The following PID1 variants were observed in gnomAD, a reference collection of about 807,000 sequenced individuals.
The protein encoded by PID1 is PTB-containing, cubilin and LRP1-interacting protein.
In PID1, 10 loss-of-function variants were observed where a neutral mutation model predicts 19.1. That is an observed-to-expected ratio of 0.52 (90% CI 0.32 to 0.89). The LOEUF (loss-of-function observed/expected upper bound fraction) is 0.89, where lower values mean the gene tolerates loss of function less well. Ranked by LOEUF, PID1 falls within the 40% of genes least tolerant of loss-of-function variation. The probability of loss-of-function intolerance (pLI) is 0.03; values close to 1 mark genes in which losing one functional copy is unlikely to be tolerated. For missense variants in PID1, 248 were observed against 285.3 expected, an observed-to-expected ratio of 0.87 and a Z score of 0.94; for synonymous variants, 130 against 116.0, an observed-to-expected ratio of 1.12 and a Z score of -0.78.
At chr2:229,078,087 T>C (rs1694597313) in intron 2 of PID1, among the ~76,000 whole-genome samples, 1 of 152,180 alleles carries the variant, frequency 6.6e-6, no homozygotes, top group Non-Finnish European at 1.5e-5. Context: ...TGAGCAGTGG[T>C]TTGTAGTTCT....
At chr2:229,163,656 T>TGC (rs1690536167) in intron 1 of PID1, among the ~76,000 whole-genome samples, 1 of 28,660 alleles carries the variant, frequency 3.5e-5, no homozygotes, top group Non-Finnish European at 6.3e-4. Flanking sequence ...AGAGAGTGTG[T>TGC]GTGTGTGTGT....
chr2:229,162,234 C>T (rs146334498), intron 1 of PID1, among the ~76,000 whole-genome samples: 1 of 152,182 alleles, frequency 6.6e-6, no homozygotes, highest in Non-Finnish European at 1.5e-5. Context: ...GGGGTAATCG[C>T]CATGCCCTGT....
chr2:229,047,907 A>C (rs1693915760), intron 2 of PID1, among the ~76,000 whole-genome samples: 1 of 152,196 alleles, frequency 6.6e-6, no homozygotes, highest in Non-Finnish European at 1.5e-5. Flanking sequence ...ATCTTGGTGT[A>C]AGATCTCAGC....
At chr2:229,163,777 TTAAG>T (rs1225296996) in intron 1 of PID1, among the ~76,000 whole-genome samples, 1 of 151,942 alleles carries the variant, frequency 6.6e-6, no homozygotes, top group Non-Finnish European at 1.5e-5. Flanking sequence ...ATGTTCCTAG[TTAAG>T]TAGTTTCTGT....
intron 1 of PID1, among the ~76,000 whole-genome samples, chr2:229,230,493 G>A (rs1692181667): frequency 1.3e-5 from 2 of 152,136 alleles, no homozygotes; most frequent in Non-Finnish European, 2.9e-5. Flanking sequence ...TTTTACAACT[G>A]GAAGTTCTTC....
chr2:229,121,187 T>C (rs777155892), intron 2 of PID1, among the ~76,000 whole-genome samples: 49 of 152,136 alleles, frequency 3.2e-4, no homozygotes, highest in Non-Finnish European at 7.1e-4. Flanking sequence ...GAGAAACACA[T>C]AGAATATAGA....
At chr2:229,235,476 A>G (rs1692305210) in intron 1 of PID1, among the ~76,000 whole-genome samples, 1 of 141,840 alleles carries the variant, frequency 7.1e-6, no homozygotes, top group Non-Finnish European at 1.5e-5. Flanking sequence ...TAGATGGGTG[A>G]TTTGCAATAT....
chr2:229,227,351 G>A (rs186070384), intron 1 of PID1, among the ~76,000 whole-genome samples: 11 of 152,296 alleles, frequency 7.2e-5, no homozygotes, highest in Non-Finnish European at 1.0e-4. Context: ...TGAACAGTGC[G>A]GATTATTGAA....
At chr2:229,182,386 A>C (rs1690964381) in intron 1 of PID1, among the ~76,000 whole-genome samples, 1 of 151,778 alleles carries the variant, frequency 6.6e-6, no homozygotes, top group Non-Finnish European at 1.5e-5. Context: ...AACTGCTCTT[A>C]CAAAATAAAA....
At chr2:229,135,907 A>G (rs1689849668) in intron 2 of PID1, among the ~76,000 whole-genome samples, 2 of 152,242 alleles carry the variant, frequency 1.3e-5, no homozygotes, top group Non-Finnish European at 2.9e-5. Context: ...CAGTAAACAT[A>G]GTAGGCAGTT....
intron 2 of PID1, among the ~76,000 whole-genome samples, chr2:229,143,147 G>A (rs1690053271): frequency 6.8e-6 from 1 of 146,562 alleles, no homozygotes; most frequent in Non-Finnish European, 1.5e-5. Context: ...ATTGAACAAT[G>A]AGAACACATG....
At chr2:229,123,702 T>C (rs1360045302) in intron 2 of PID1, among the ~76,000 whole-genome samples, 1 of 152,226 alleles carries the variant, frequency 6.6e-6, no homozygotes. Flanking sequence ...TCTGTCTTTT[T>C]CATTCAAGTG....
chr2:229,030,346 G>A (rs911962112), intron 2 of PID1, among the ~76,000 whole-genome samples: 2 of 152,136 alleles, frequency 1.3e-5, no homozygotes, highest in African/African-American at 2.4e-5. Flanking sequence ...GGTGGTGATA[G>A]TTGTGTACAT....
chr2:229,081,905 G>A (rs1223531048), intron 2 of PID1, among the ~76,000 whole-genome samples: 1 of 152,194 alleles, frequency 6.6e-6, no homozygotes, highest in Admixed American at 6.5e-5. Context: ...TTCAAGAAGA[G>A]CAAACTGCAT....
At chr2:229,069,488 C>T (rs111229278) in intron 2 of PID1, among the ~76,000 whole-genome samples, 2,070 of 152,228 alleles carry the variant, frequency 0.014, 24 homozygotes, top group Non-Finnish European at 0.019. Context: ...ACTGCAAGGA[C>T]CACAGTTGAT....
intron 1 of PID1, among the ~76,000 whole-genome samples, chr2:229,227,627 G>C (rs1692106708): frequency 6.6e-6 from 1 of 152,132 alleles, no homozygotes; most frequent in South Asian, 2.1e-4. Context: ...ATTCTACTGG[G>C]ACCTCCTAGA....
chr2:229,051,805 A>G (rs1694001869), intron 2 of PID1, among the ~76,000 whole-genome samples: 1 of 152,216 alleles, frequency 6.6e-6, no homozygotes, highest in Admixed American at 6.5e-5. Flanking sequence ...TGTCAGTCCA[A>G]CTTGGATTCT....
intron 2 of PID1, among the ~76,000 whole-genome samples, chr2:229,096,790 T>C (rs1694978585): frequency 1.3e-5 from 2 of 152,206 alleles, no homozygotes; most frequent in African/African-American, 4.8e-5. Flanking sequence ...TTCTGAACCA[T>C]GTCTCTTAAC....
intron 1 of PID1, among the ~76,000 whole-genome samples, chr2:229,215,869 G>A (rs896190100): frequency 6.6e-6 from 1 of 152,156 alleles, no homozygotes; most frequent in Non-Finnish European, 1.5e-5. Flanking sequence ...CACAGTAAAC[G>A]ATTTGTGTTG....
Sources: allele counts gnomAD v4.1 joint callset (sites outside exome capture counted in the v4.1 genomes callset), GRCh38; gene constraint gnomAD v4.1.1; transcripts MANE v1.5; gene names NCBI Gene and HGNC (gene_info 2026-07-23, HGNC 2026-07-21).